The following DAW1 variants were observed in gnomAD, a reference collection of about 807,000 sequenced individuals.
The protein encoded by DAW1 is dynein assembly factor with WD repeats 1.
DAW1 carries 47 observed loss-of-function variants against 56.5 expected under a neutral mutation model. The ratio of observed to expected loss-of-function variants is 0.83; its 90% CI spans 0.66 to 1.06. The LOEUF (loss-of-function observed/expected upper bound fraction) is 1.06, where lower values mean the gene tolerates loss of function less well. DAW1 is among the 50% of genes least tolerant of loss of function. The pLI is 0.00. For missense variants in DAW1, 505 were observed against 499.3 expected (o/e 1.01, Z -0.11); for synonymous variants, 190 against 179.0 (o/e 1.06, Z -0.49).
At chr2:227,896,592 G>A (rs974703148) in intron 5 of DAW1, among the ~76,000 whole-genome samples, 1 of 88,270 alleles carries the variant, frequency 1.1e-5, no homozygotes, top group African/African-American at 4.1e-5. Flanking sequence ...GAATAAGAGG[G>A]AGTGTGTGTG....
chr2:227,878,897 C>T (rs1465607005), intron 1 of DAW1, among the ~76,000 whole-genome samples: 5 of 150,118 alleles, frequency 3.3e-5, no homozygotes, highest in Non-Finnish European at 7.4e-5. Context: ...AAATGATTCT[C>T]GTGCCTCAGC....
At chr2:227,882,935 A>G (rs1559302617) in intron 1 of DAW1, among the ~76,000 whole-genome samples, 1 of 152,198 alleles carries the variant, frequency 6.6e-6, no homozygotes, top group Non-Finnish European at 1.5e-5. Context: ...AGTCAATTAA[A>G]CCTCTTTCTT....
intron 7 of DAW1, 59 bp downstream of exon 7, chr2:227,903,168 T>C (rs1691588718): frequency 4.5e-6 from 7 of 1,559,994 alleles, no homozygotes; most frequent in Non-Finnish European, 6.2e-6. Flanking sequence ...GTGTTTTTGT[T>C]ACAAAATGAG....
intron 5 of DAW1, 150 bp downstream of exon 5, chr2:227,894,067 A>T: frequency 1.3e-6 from 1 of 799,534 alleles, no homozygotes; most frequent in Non-Finnish European, 1.9e-6. Context: ...TTCAAAGCTT[A>T]AAAGGGTCTT....
At chr2:227,875,923 G>A (rs1443394066) in intron 1 of DAW1, among the ~76,000 whole-genome samples, 2 of 152,082 alleles carry the variant, frequency 1.3e-5, no homozygotes, top group South Asian at 2.1e-4. Flanking sequence ...ATGAGATGAT[G>A]TGTGTTAAGC....
At chr2:227,885,249 A>C in intron 1 of DAW1, 102 bp from the exon 2 acceptor site, 1 of 802,300 alleles carries the variant, frequency 1.2e-6, no homozygotes, top group Non-Finnish European at 1.9e-6. Context: ...AAAAATTAAA[A>C]ATTTTAAAAA....
At chr2:227,876,196 AT>A (rs1428805759) in intron 1 of DAW1, among the ~76,000 whole-genome samples, 2 of 151,942 alleles carry the variant, frequency 1.3e-5, no homozygotes, top group African/African-American at 4.8e-5. Context: ...ATTTTTTTGT[AT>A]TTTTAGTAGA....
intron 2 of DAW1, among the ~76,000 whole-genome samples, chr2:227,887,044 A>C (rs1239717674): frequency 1.3e-5 from 2 of 152,168 alleles, no homozygotes; most frequent in African/African-American, 4.8e-5. Context: ...GGCTCTCTTA[A>C]TCCTGGAGTT....
intron 7 of DAW1, 93 bp from the exon 8 acceptor site, chr2:227,904,836 T>G: frequency 1.6e-6 from 2 of 1,234,502 alleles, no homozygotes; most frequent in South Asian, 2.8e-5. Context: ...GAGCTCGGCC[T>G]TCTCCAGCAT....
intron 10 of DAW1, among the ~76,000 whole-genome samples, chr2:227,917,104 G>A (rs1014402088): frequency 1.3e-5 from 2 of 150,080 alleles, no homozygotes; most frequent in South Asian, 4.2e-4. Flanking sequence ...TCATGACCAT[G>A]CATGACAGTA....
intron 10 of DAW1, among the ~76,000 whole-genome samples, chr2:227,911,352 A>G (rs140413116): frequency 0.018 from 2,544 of 141,644 alleles, 74 homozygotes; most frequent in African/African-American, 0.061. Context: ...ACACATGTGT[A>G]TATATAAAAT....
intron 9 of DAW1, among the ~76,000 whole-genome samples, 157 bp downstream of exon 9, chr2:227,906,495 G>A (rs1691686993): frequency 6.6e-6 from 1 of 152,028 alleles, no homozygotes; most frequent in African/African-American, 2.4e-5. Flanking sequence ...TCTAGTTTTG[G>A]ATTTTCCAAA....
intron 1 of DAW1, among the ~76,000 whole-genome samples, chr2:227,874,925 T>C (rs1342066307): frequency 1.3e-5 from 2 of 152,028 alleles, no homozygotes; most frequent in African/African-American, 2.4e-5. Context: ...ATCACACCAA[T>C]GCACTCCAGC....
intron 10 of DAW1, among the ~76,000 whole-genome samples, chr2:227,914,955 T>C (rs1691916576): frequency 6.6e-6 from 1 of 152,136 alleles, no homozygotes; most frequent in Admixed American, 6.5e-5. Context: ...TCTTTTAACA[T>C]ACTACATATA....
chr2:227,885,347 A>G lies in DAW1; in HGVS notation c.41-4A>G, dbSNP rs780551697. On this transcript the variant is annotated splice_polypyrimidine_tract_variant and splice_region_variant and intron_variant, in intron 1 of 12. Transcript: ENST00000309931. Reference sequence around the variant, plus strand: ...TTTTATAACATGTTTGTTTATTTCTATAGGAATTATGTTGGAATATGAAAA... The same window carrying G: ...TTTTATAACATGTTTGTTTATTTCTGTAGGAATTATGTTGGAATATGAAAA... 2.3e-5 allele frequency: 36 copies of G among 1,583,194 alleles called. No individual in the cohort carries two copies. Among genetic ancestry groups the G allele is most frequent in the Non-Finnish European group, 2.6e-5 (30 of 1,164,588 alleles).
chr2:227,913,726 A>G (rs187320853), intron 10 of DAW1, among the ~76,000 whole-genome samples: 40 of 152,136 alleles, frequency 2.6e-4, no homozygotes, highest in African/African-American at 9.4e-4. Flanking sequence ...TCTTTGTAGA[A>G]TCCTTGTACA....
rs79634180 is a variant in DAW1 at position 227,885,947 on chromosome 2, C to T, written c.113+524C>T. Among the ~76,000 whole-genome samples the T allele has an allele frequency of 3.1e-3, 464 of 150,702 alleles. 15 individuals are homozygous for T. In the East Asian group the frequency reaches 0.075, roughly 24 times the overall value. On this transcript the variant is annotated intron_variant, in intron 2 of 12. Coordinates refer to ENST00000309931, the MANE Select transcript of DAW1 (RefSeq NM_178821.3). The stretch of plus-strand genomic sequence containing the variant: ...GTTTCTCAGACTTCCCTTATTTTTG[C>T]TGACCTTAATTTCTTTCTTTTTCTT...
chr2:227,893,470 A>G (rs930826002), intron 4 of DAW1, among the ~76,000 whole-genome samples: 2 of 152,066 alleles, frequency 1.3e-5, no homozygotes, highest in African/African-American at 4.8e-5. Flanking sequence ...GTTCAAGACC[A>G]GTCTGGCCAA....
At chr2:227,905,789 C>G (rs1324261675) in intron 8 of DAW1, among the ~76,000 whole-genome samples, 1 of 146,700 alleles carries the variant, frequency 6.8e-6, no homozygotes, top group Non-Finnish European at 1.5e-5. Flanking sequence ...GAGTCTCGCT[C>G]TGTTGCCCAG....
Sources: gnomAD v4.1 joint callset for allele counts (sites outside exome capture counted in the v4.1 genomes callset) on GRCh38, gnomAD v4.1.1 for gene constraint, MANE v1.5 for transcripts, NCBI Gene and HGNC (gene_info 2026-07-23, HGNC 2026-07-21) for gene names.